The following PCBP3 variants were observed in gnomAD, a reference collection of about 807,000 sequenced individuals.
The protein encoded by PCBP3 is poly(rC) binding protein 3.
In PCBP3, 25 loss-of-function variants were observed where a neutral mutation model predicts 52.7. The ratio of observed to expected loss-of-function variants is 0.47; its 90% CI spans 0.35 to 0.66. The LOEUF (loss-of-function observed/expected upper bound fraction) is 0.66. Among genes scored for constraint, PCBP3 ranks in the 30% least tolerant of loss-of-function variants. The pLI is 0.01. For missense variants in PCBP3, 391 were observed against 490.3 expected (o/e 0.80, Z 1.91); for synonymous variants, 162 against 183.0 (o/e 0.89, Z 0.93).
intron 4 of PCBP3, among the ~76,000 whole-genome samples, chr21:45,795,467 C>T (rs1274149412): frequency 6.6e-6 from 1 of 151,866 alleles, no homozygotes; most frequent in African/African-American, 2.4e-5. Context: ...TGGAAAAAAA[C>T]ACAAAATGAT....
At chr21:45,671,091 G>T (rs541559224) in intron 2 of PCBP3, among the ~76,000 whole-genome samples, 1 of 152,302 alleles carries the variant, frequency 6.6e-6, no homozygotes, top group East Asian at 1.9e-4. Flanking sequence ...TCCAGTGATG[G>T]GGTTCTATCT....
chr21:45,900,554 G>A, intron 7 of PCBP3, 37 bp from the exon 8 acceptor site: 4 of 1,583,926 alleles, frequency 2.5e-6, no homozygotes, highest in Non-Finnish European at 3.5e-6. Flanking sequence ...AGAGCCAGAG[G>A]GATACCTTTT....
intron 2 of PCBP3, among the ~76,000 whole-genome samples, chr21:45,692,792 A>C (rs1264265317): frequency 6.6e-6 from 1 of 152,190 alleles, no homozygotes; most frequent in Non-Finnish European, 1.5e-5. Context: ...GAGGCCAAGA[A>C]TATCCGGATA....
At chr21:45,781,964 T>A (rs1373018639) in intron 4 of PCBP3, among the ~76,000 whole-genome samples, 1 of 152,226 alleles carries the variant, frequency 6.6e-6, no homozygotes, top group African/African-American at 2.4e-5. Flanking sequence ...GTCTGGCTAT[T>A]CTTACTCATC....
At chr21:45,764,200 G>T (rs959992902) in intron 4 of PCBP3, among the ~76,000 whole-genome samples, 1 of 149,382 alleles carries the variant, frequency 6.7e-6, no homozygotes, top group Non-Finnish European at 1.5e-5. Flanking sequence ...TTGGCTCACC[G>T]CAACCTCCGC....
At chr21:45,661,071 T>G (rs2080359400) in intron 1 of PCBP3, among the ~76,000 whole-genome samples, 1 of 152,124 alleles carries the variant, frequency 6.6e-6, no homozygotes, top group Non-Finnish European at 1.5e-5. Flanking sequence ...TCTTGTACAT[T>G]CTGTTCACTT....
At chr21:45,669,842 T>C (rs1172566618) in intron 2 of PCBP3, among the ~76,000 whole-genome samples, 5 of 140,276 alleles carry the variant, frequency 3.6e-5, no homozygotes, top group African/African-American at 1.3e-4. Context: ...TATATATATA[T>C]ATATCACATT....
At chr21:45,794,328 A>G (rs765735061) in intron 4 of PCBP3, among the ~76,000 whole-genome samples, 1 of 152,214 alleles carries the variant, frequency 6.6e-6, no homozygotes, top group Non-Finnish European at 1.5e-5. Context: ...AGGTGGGATT[A>G]TCGCTTGAGC....
intron 2 of PCBP3, among the ~76,000 whole-genome samples, chr21:45,679,066 A>G (rs1185963847): frequency 6.7e-6 from 1 of 148,176 alleles, no homozygotes; most frequent in African/African-American, 2.5e-5. Context: ...GAAGGCTCAG[A>G]TGATTGTTAG....
At chr21:45,790,511 G>T (rs1370353776) in intron 4 of PCBP3, among the ~76,000 whole-genome samples, 3 of 152,162 alleles carry the variant, frequency 2.0e-5, no homozygotes, top group African/African-American at 7.2e-5. Flanking sequence ...GTCCCTCCAT[G>T]ATGTTTTATG....
chr21:45,736,879 G>T lies in PCBP3; in HGVS notation c.-162+1450G>T, dbSNP rs2145888582. Among the ~76,000 whole-genome samples, 1 of 152,274 alleles carries T rather than the reference G, an allele frequency of 6.6e-6. No homozygotes were observed. The highest frequency in any genetic ancestry group is 2.4e-5 in the African/African-American group (1 of 41,550). ...TGTGGCATGTCAGGGGGTGACAGTGGCTGTGGAGGAAACAGGGAAGGGCAG... is the reference window on the plus strand; with the variant it reads ...TGTGGCATGTCAGGGGGTGACAGTGTCTGTGGAGGAAACAGGGAAGGGCAG... On this transcript the variant is annotated intron_variant, in intron 3 of 17. Transcript: ENST00000681687. This position sits in a 1 kb window ranked among gnomAD's most constrained non-coding sequence, Gnocchi z 4.6.
intron 4 of PCBP3, among the ~76,000 whole-genome samples, chr21:45,799,932 A>G (rs1263965835): frequency 2.0e-5 from 3 of 152,264 alleles, no homozygotes; most frequent in Middle Eastern, 3.4e-3. Context: ...AGGCTGTGCT[A>G]GCTTCACCAG....
At chr21:45,723,235 C>T (rs1274487660) in intron 2 of PCBP3, among the ~76,000 whole-genome samples, 3 of 152,164 alleles carry the variant, frequency 2.0e-5, no homozygotes, top group South Asian at 2.1e-4. Context: ...CATGGCCTGC[C>T]GTCTGCGGCC....
intron 5 of PCBP3, among the ~76,000 whole-genome samples, chr21:45,862,510 G>A (rs2094548690): frequency 1.3e-5 from 2 of 152,044 alleles, no homozygotes; most frequent in Non-Finnish European, 2.9e-5. Context: ...CATATCAACC[G>A]TGGTCCTTCT....
At chr21:45,846,457 T>C (rs2093814870) in intron 4 of PCBP3, among the ~76,000 whole-genome samples, 1 of 151,990 alleles carries the variant, frequency 6.6e-6, no homozygotes, top group African/African-American at 2.4e-5. Context: ...ATGTTTCAAG[T>C]ATGTTTAAGA....
intron 15 of PCBP3, among the ~76,000 whole-genome samples, chr21:45,932,270 G>A (rs558741858): frequency 6.6e-6 from 1 of 150,734 alleles, no homozygotes; most frequent in South Asian, 2.1e-4. Flanking sequence ...TGGACACCTG[G>A]TCCATGCCGT....
At chr21:45,912,484 C>T (rs917929631) in intron 11 of PCBP3, among the ~76,000 whole-genome samples, 26 of 152,164 alleles carry the variant, frequency 1.7e-4, no homozygotes, top group African/African-American at 6.3e-4. Flanking sequence ...TGCCTCACCT[C>T]ACACCCAGGA....
At chr21:45,895,964 G>C (rs895481279) in intron 5 of PCBP3, among the ~76,000 whole-genome samples, 1 of 152,232 alleles carries the variant, frequency 6.6e-6, no homozygotes, top group African/African-American at 2.4e-5. Flanking sequence ...CAGGGGCTGC[G>C]GTGGCCTGCC....
intron 2 of PCBP3, among the ~76,000 whole-genome samples, chr21:45,692,987 C>A (rs968084166): frequency 6.6e-6 from 1 of 152,130 alleles, no homozygotes; most frequent in Non-Finnish European, 1.5e-5. Flanking sequence ...TCAATGTAAT[C>A]ATCATCATTC....
Sources: allele counts gnomAD v4.1 joint callset (sites outside exome capture counted in the v4.1 genomes callset), GRCh38; gene constraint gnomAD v4.1.1; non-coding constraint Gnocchi (gnomAD v3.1); transcripts MANE v1.5; gene names NCBI Gene and HGNC (gene_info 2026-07-23, HGNC 2026-07-21).